S100Z: variants seen among roughly 807,000 people sequenced by gnomAD.
The protein encoded by S100Z is protein S100-Z.
In S100Z, 11 loss-of-function variants were observed where a neutral mutation model predicts 8.5. The observed-to-expected ratio is 1.30, with a 90% confidence interval of 0.82 to 2.15. The LOEUF (loss-of-function observed/expected upper bound fraction) is 2.15. Among genes scored for constraint, S100Z ranks in the 30% most tolerant of loss-of-function variants. The pLI is 0.00. For missense variants in S100Z, 126 were observed against 117.9 expected, an observed-to-expected ratio of 1.07 and a Z score of -0.32; for synonymous variants, 34 against 43.8, an observed-to-expected ratio of 0.78 and a Z score of 0.89.
the S100Z span, among the ~76,000 whole-genome samples, chr5:76,940,074 T>C: frequency 2.5e-4 from 37 of 150,764 alleles, no homozygotes; most frequent in African/African-American, 8.8e-4. Flanking sequence ...GGAGAATCAC[T>C]TGAGCCCAGA....
At chr5:76,917,972 G>A (rs1382542884) in intron 4 of S100Z, among the ~76,000 whole-genome samples, 1 of 152,156 alleles carries the variant, frequency 6.6e-6, no homozygotes, top group African/African-American at 2.4e-5. Context: ...GTTCTACAAT[G>A]ACAATCTTTA....
the S100Z span, among the ~76,000 whole-genome samples, chr5:76,944,692 C>T: frequency 6.6e-6 from 1 of 152,170 alleles, no homozygotes; most frequent in Non-Finnish European, 1.5e-5. Context: ...TGTCACTGCA[C>T]GTAGCTGGCA....
the S100Z span, among the ~76,000 whole-genome samples, chr5:76,942,525 T>A: frequency 1.3e-4 from 20 of 152,264 alleles, no homozygotes; most frequent in Non-Finnish European, 2.4e-4. Context: ...TGCACAATAG[T>A]AATGATTAGA....
chr5:76,864,417 T>A (rs1164418660), intron 1 of S100Z, among the ~76,000 whole-genome samples: 6 of 92,006 alleles, frequency 6.5e-5, no homozygotes, highest in South Asian at 3.0e-4. Context: ...TTTTTTTTTT[T>A]TTGAGATGGA....
intron 4 of S100Z, among the ~76,000 whole-genome samples, chr5:76,879,273 G>A (rs1445300752): frequency 1.3e-5 from 2 of 152,170 alleles, no homozygotes; most frequent in Non-Finnish European, 1.5e-5. Context: ...AAAGATAGAA[G>A]GAGCCTGGGC....
At chr5:76,868,790 CT>C (rs1742892591) in intron 1 of S100Z, among the ~76,000 whole-genome samples, 1 of 151,790 alleles carries the variant, frequency 6.6e-6, no homozygotes, top group Admixed American at 6.6e-5. Context: ...CATCTCACTG[CT>C]TTTTGTATTT....
chr5:76,871,897 A>C (rs1743023264), intron 2 of S100Z, among the ~76,000 whole-genome samples: 1 of 152,128 alleles, frequency 6.6e-6, no homozygotes, highest in Non-Finnish European at 1.5e-5. Flanking sequence ...ACCAATGTAC[A>C]CCTTACATAT....
In S100Z at chr5:76,918,822, A is replaced by G. The variant is rs542580631; in HGVS notation, c.*3-1895A>G. On this transcript the variant is annotated intron_variant, in intron 4 of 4. Transcript: ENST00000317593. ...TGATACACAATACCTTCACTGCCCTAAAAATCCTCTGTACTCTATCTATTC... is the reference window on the plus strand; with the variant it reads ...TGATACACAATACCTTCACTGCCCTGAAAATCCTCTGTACTCTATCTATTC... Among the ~76,000 whole-genome samples, 27 of 152,308 alleles carry G rather than the reference A, an allele frequency of 1.8e-4. No homozygotes were observed. The East Asian group carries it at 4.8e-3, about 27-fold the overall frequency.
At chr5:76,884,340 T>C (rs937449734) in intron 4 of S100Z, among the ~76,000 whole-genome samples, 1 of 152,214 alleles carries the variant, frequency 6.6e-6, no homozygotes, top group Non-Finnish European at 1.5e-5. Flanking sequence ...GGAATCTGCC[T>C]GATAGTTCCA....
chr5:76,886,706 G>A (rs1321554585), intron 4 of S100Z, among the ~76,000 whole-genome samples: 1 of 152,200 alleles, frequency 6.6e-6, no homozygotes, highest in Non-Finnish European at 1.5e-5. Context: ...AAGGGTGGTG[G>A]ATTATCATTA....
At chr5:76,930,102 A>C in the S100Z span, among the ~76,000 whole-genome samples, 1 of 152,238 alleles carries the variant, frequency 6.6e-6, no homozygotes, top group African/African-American at 2.4e-5. Context: ...CTATTCCCAC[A>C]AAGAGTAGTT....
At chr5:76,899,565 T>C (rs1744160842) in intron 4 of S100Z, among the ~76,000 whole-genome samples, 1 of 152,178 alleles carries the variant, frequency 6.6e-6, no homozygotes, top group African/African-American at 2.4e-5. Context: ...TACTATGTTA[T>C]AACCCATTAT....
intron 1 of S100Z, among the ~76,000 whole-genome samples, chr5:76,856,635 G>A (rs555202211): frequency 2.4e-4 from 36 of 152,248 alleles, no homozygotes; most frequent in African/African-American, 5.8e-4. Context: ...AAAGAGAACC[G>A]GAAGCCACAA....
At chr5:76,932,777 T>C in the S100Z span, among the ~76,000 whole-genome samples, 1 of 152,026 alleles carries the variant, frequency 6.6e-6, no homozygotes, top group South Asian at 2.1e-4. Context: ...TATTTTTTCA[T>C]CAACGCTTTA....
At chr5:76,936,677 C>A in the S100Z span, among the ~76,000 whole-genome samples, 1 of 147,956 alleles carries the variant, frequency 6.8e-6, no homozygotes, top group Non-Finnish European at 1.5e-5. Flanking sequence ...GAAACAACAG[C>A]AAGAATGTTT....
At chr5:76,883,332 G>A (rs1743480634) in intron 4 of S100Z, among the ~76,000 whole-genome samples, 1 of 152,182 alleles carries the variant, frequency 6.6e-6, no homozygotes, top group African/African-American at 2.4e-5. Flanking sequence ...AGTCAGGGAA[G>A]CAGATAATTT....
At chr5:76,867,611 AG>A (rs1742813991) in intron 1 of S100Z, among the ~76,000 whole-genome samples, 1 of 107,536 alleles carries the variant, frequency 9.3e-6, no homozygotes. Context: ...TTTTTTTTTG[AG>A]GTGGGGTCTC....
At chr5:76,949,409 A>T in the S100Z span, among the ~76,000 whole-genome samples, 1 of 152,186 alleles carries the variant, frequency 6.6e-6, no homozygotes. Context: ...TAATGAAAAA[A>T]TAAAAGTTTT....
chr5:76,875,910 A>AT, intron 3 of S100Z, among the ~76,000 whole-genome samples: 1 of 152,168 alleles, frequency 6.6e-6, no homozygotes, highest in Admixed American at 6.5e-5. Context: ...GGGGTACTTC[A>AT]TGCTATGGTG....
Sources: gnomAD v4.1 joint callset for allele counts (sites outside exome capture counted in the v4.1 genomes callset) on GRCh38, gnomAD v4.1.1 for gene constraint, MANE v1.5 for transcripts, NCBI Gene and HGNC (gene_info 2026-07-23, HGNC 2026-07-21) for gene names.